AFAP1: variants seen among roughly 807,000 people sequenced by gnomAD.
The protein encoded by AFAP1 is actin filament-associated protein 1.
Under a neutral mutation model 93.9 loss-of-function variants are expected in AFAP1, and 75 were observed. The observed-to-expected ratio is 0.80, with a 90% CI of 0.66 to 0.97. The LOEUF is 0.97. Ranked by LOEUF, AFAP1 falls within the 50% of genes least tolerant of loss-of-function variation. The pLI, the probability that AFAP1 is intolerant of heterozygous loss-of-function variation, is 0.00. For missense variants in AFAP1, 1,201 were observed against 1,050.8 expected (o/e 1.14, Z -1.98); for synonymous variants, 517 against 430.7 (o/e 1.20, Z -2.48).
At chr4:7,900,842 A>T (rs979420447) in intron 1 of AFAP1, among the ~76,000 whole-genome samples, 2 of 152,226 alleles carry the variant, frequency 1.3e-5, no homozygotes, top group Non-Finnish European at 2.9e-5. Context: ...GAATCAGAGG[A>T]AGCACGACTA....
chr4:7,811,410 C>G (rs1720022225), intron 8 of AFAP1, among the ~76,000 whole-genome samples: 1 of 151,814 alleles, frequency 6.6e-6, no homozygotes, highest in African/African-American at 2.4e-5. Context: ...GGCCTAACTC[C>G]TAAACCCTTC....
intron 1 of AFAP1, among the ~76,000 whole-genome samples, chr4:7,910,180 C>T (rs1163357066): frequency 1.3e-5 from 2 of 152,170 alleles, no homozygotes; most frequent in Non-Finnish European, 2.9e-5. Context: ...ACACTCCTAG[C>T]ACACCCCCAA....
chr4:7,783,385 C>T (rs368143084), intron 12 of AFAP1, among the ~76,000 whole-genome samples: 1 of 152,164 alleles, frequency 6.6e-6, no homozygotes. Flanking sequence ...AGTGATCTGC[C>T]CACCTCTGCC....
chr4:7,815,010 T>A (rs1030445953), intron 8 of AFAP1, among the ~76,000 whole-genome samples: 3 of 152,264 alleles, frequency 2.0e-5, no homozygotes, highest in Admixed American at 6.5e-5. Flanking sequence ...CACCCAAGTG[T>A]TCATCGACAG....
intron 10 of AFAP1, among the ~76,000 whole-genome samples, chr4:7,795,254 G>A (rs1177488149): frequency 6.6e-6 from 1 of 152,032 alleles, no homozygotes; most frequent in Non-Finnish European, 1.5e-5. Context: ...TGAGGACAAA[G>A]GGAAGGAGTG....
chr4:7,815,026 T>C (rs1720352529), intron 8 of AFAP1, among the ~76,000 whole-genome samples: 1 of 152,222 alleles, frequency 6.6e-6, no homozygotes, highest in African/African-American at 2.4e-5. Flanking sequence ...GACAGATAAA[T>C]GGGAAAACAA....
chr4:7,846,957 C>T (rs1220250779), intron 4 of AFAP1, among the ~76,000 whole-genome samples: 1 of 152,192 alleles, frequency 6.6e-6, no homozygotes, highest in Non-Finnish European at 1.5e-5. Flanking sequence ...AAACTATGTT[C>T]TAGTAGCCCT....
intron 10 of AFAP1, among the ~76,000 whole-genome samples, chr4:7,795,497 C>A (rs937533213): frequency 1.6e-5 from 2 of 124,348 alleles, no homozygotes; most frequent in Non-Finnish European, 1.6e-5. Flanking sequence ...GTGATCTCGG[C>A]TCACTGCAAG....
chr4:7,782,063 C>T (rs1264437639), intron 12 of AFAP1, among the ~76,000 whole-genome samples: 2 of 152,206 alleles, frequency 1.3e-5, no homozygotes, highest in African/African-American at 4.8e-5. Context: ...GGACCAGGGG[C>T]CTGGTGCTCT....
At chr4:7,838,973 T>C (rs1292702335) in intron 5 of AFAP1, among the ~76,000 whole-genome samples, 1 of 152,066 alleles carries the variant, frequency 6.6e-6, no homozygotes, top group Non-Finnish European at 1.5e-5. Context: ...ACACCAAAAG[T>C]CCCTACTCTG....
chr4:7,895,681 G>A (rs1326838314), intron 1 of AFAP1, among the ~76,000 whole-genome samples: 1 of 152,048 alleles, frequency 6.6e-6, no homozygotes, highest in Non-Finnish European at 1.5e-5. Flanking sequence ...AGGACTCAAG[G>A]ACAGAAACCT....
chr4:7,932,865 C>T (rs1721157208), intron 1 of AFAP1, among the ~76,000 whole-genome samples: 1 of 151,906 alleles, frequency 6.6e-6, no homozygotes, highest in Admixed American at 6.6e-5. Flanking sequence ...ACAAAAAATA[C>T]AAAAATTAGC....
chr4:7,810,070 C>G (rs886324948), intron 8 of AFAP1, among the ~76,000 whole-genome samples: 2 of 152,120 alleles, frequency 1.3e-5, no homozygotes, highest in African/African-American at 4.8e-5. Context: ...CCCATGTTGC[C>G]CAGGCTGGTC....
chr4:7,850,663 G>A (rs1714327441), intron 4 of AFAP1, among the ~76,000 whole-genome samples: 1 of 152,356 alleles, frequency 6.6e-6, no homozygotes, highest in Non-Finnish European at 1.5e-5. Context: ...AGGGCGCCAG[G>A]CCCTGCAGAA....
intron 10 of AFAP1, among the ~76,000 whole-genome samples, chr4:7,797,522 C>T (rs113670527): frequency 6.6e-5 from 10 of 152,348 alleles, no homozygotes; most frequent in African/African-American, 1.9e-4. Context: ...GAGGTAACAG[C>T]AGACGCGCCC....
At chr4:7,832,436 C>T (rs747692692) in intron 6 of AFAP1, among the ~76,000 whole-genome samples, 8 of 151,926 alleles carry the variant, frequency 5.3e-5, no homozygotes, top group Admixed American at 2.6e-4. Flanking sequence ...CGGATGACAG[C>T]GAAAGAGACT....
Position 7,897,117 on chromosome 4 carries a change from C to T in AFAP1, c.-2-25037G>A, listed in dbSNP as rs538913781. On this transcript the variant is annotated intron_variant, in intron 1 of 17. Coordinates refer to ENST00000420658, the MANE Select transcript of AFAP1 (RefSeq NM_001134647.2). ...TGTTTATCTTCAGTTTGGCCCTCTA[C>T]CCTCAACTCCAAACCATTTCCAACT... Among the ~76,000 whole-genome samples the T allele has an allele frequency of 5.9e-5, 9 of 152,222 alleles. No homozygotes were observed. The East Asian group carries it at 1.7e-3, about 30-fold the overall frequency.
intron 5 of AFAP1, among the ~76,000 whole-genome samples, 188 bp from the exon 6 acceptor site, chr4:7,838,891 C>G (rs1364725640): frequency 6.6e-6 from 1 of 152,034 alleles, no homozygotes; most frequent in Non-Finnish European, 1.5e-5. Context: ...CACTTCGCCT[C>G]CAAGTGTGAA....
intron 10 of AFAP1, among the ~76,000 whole-genome samples, chr4:7,796,229 G>C (rs544859285): frequency 6.6e-6 from 1 of 152,290 alleles, no homozygotes; most frequent in South Asian, 2.1e-4. Context: ...TTTGGGGAAC[G>C]GCTGACTCCA....
Sources: allele counts gnomAD v4.1 joint callset (sites outside exome capture counted in the v4.1 genomes callset), GRCh38; gene constraint gnomAD v4.1.1; transcripts MANE v1.5; gene names NCBI Gene and HGNC (gene_info 2026-07-23, HGNC 2026-07-21).